The following KNG1 variants were observed in gnomAD, a reference collection of about 807,000 sequenced individuals.
The protein encoded by KNG1 is kininogen-1.
In KNG1, 23 loss-of-function variants were observed where a neutral mutation model predicts 47.8. The ratio of observed to expected loss-of-function variants is 0.48; its 90% CI spans 0.35 to 0.68. KNG1 has a LOEUF of 0.68. KNG1 is among the 30% of genes least tolerant of loss of function. The pLI, the probability that KNG1 is intolerant of heterozygous loss-of-function variation, is 0.01. For synonymous variants in KNG1, 277 were observed against 277.0 expected (o/e 1.00, Z 0.00); for missense variants, 762 against 790.2 (o/e 0.96, Z 0.43).
intron 3 of KNG1, among the ~76,000 whole-genome samples, chr3:186,724,537 C>A (rs1720295124): frequency 6.6e-6 from 1 of 152,070 alleles, no homozygotes; most frequent in Non-Finnish European, 1.5e-5. Flanking sequence ...TATCTGTTGG[C>A]CATTTGTATG....
At chr3:186,717,935 C>T in intron 1 of KNG1, 198 bp downstream of exon 1, 1 of 516,116 alleles carries the variant, frequency 1.9e-6, no homozygotes, top group Admixed American at 2.7e-5. Context: ...ACCCACCACC[C>T]ACCACCACCC....
Position 186,722,520 on chromosome 3 carries a change from A to G in KNG1, c.390A>G (p.Pro130=). The G allele has an allele frequency of 6.2e-7, 1 of 1,611,606 alleles. No homozygotes were observed. The highest frequency in any genetic ancestry group is 8.5e-7 in the Non-Finnish European group (1 of 1,178,070). Residue 130 remains proline (P), a splice_region_variant and synonymous_variant, in exon 3 of 10, where the codon CCA becomes CCG. Coordinates refer to ENST00000644859, the MANE Select transcript of KNG1 (RefSeq NM_001102416.3). Reference sequence around the variant, plus strand: ...CTACCCAGACCTGCCAGATTACTCCAGGTGGCTGGTTTATCCTCTGGCACT... The same window carrying G: ...CTACCCAGACCTGCCAGATTACTCCGGGTGGCTGGTTTATCCTCTGGCACT... ...SVATQTCQIT[P]AEGPVVTAQY...
chr3:186,722,226 C>T, intron 2 of KNG1: 1 of 556,728 alleles, frequency 1.8e-6, no homozygotes, highest in Non-Finnish European at 3.2e-6. Context: ...CACTGTCTTT[C>T]CTCCAGCATC....
chr3:186,743,736 G>A lies in KNG1; in HGVS notation c.*1405G>A, dbSNP rs1720872890. On this transcript the variant is annotated 3_prime_UTR_variant, in exon 10 of 10. Transcript: ENST00000644859. ...CTAAGGTCCTGCGAGTACAAGGGTC[G>A]ACCCCCAAAGGCAGGGGCAGAGCCA... is the stretch of plus-strand genomic sequence containing the variant. 1.5e-5 allele frequency: 24 copies of A among 1,614,062 alleles called. No individual in the cohort carries two copies. Among genetic ancestry groups the A allele is most frequent in the Non-Finnish European group, 1.9e-5 (22 of 1,179,956 alleles).
intron 1 of KNG1, 48 bp downstream of exon 1, chr3:186,717,785 C>A: frequency 7.3e-7 from 1 of 1,378,796 alleles, no homozygotes; most frequent in Non-Finnish European, 1.0e-6. Flanking sequence ...TTTGTACTAT[C>A]ACTAGGAGTC....
chr3:186,723,732 G>A (rs1720270690), intron 3 of KNG1, among the ~76,000 whole-genome samples: 1 of 151,072 alleles, frequency 6.6e-6, no homozygotes, highest in African/African-American at 2.4e-5. Flanking sequence ...TAGGCTCACT[G>A]CAACCTCCCG....
chr3:186,741,217 C>T (rs941165092), intron 9 of KNG1, among the ~76,000 whole-genome samples: 2 of 152,148 alleles, frequency 1.3e-5, no homozygotes, highest in Non-Finnish European at 2.9e-5. Flanking sequence ...TGGTCTCAAA[C>T]TCCTGACCTC....
At chr3:186,724,608 T>C (rs1414914500) in intron 3 of KNG1, among the ~76,000 whole-genome samples, 1 of 152,172 alleles carries the variant, frequency 6.6e-6, no homozygotes, top group African/African-American at 2.4e-5. Context: ...ATTACTTGGT[T>C]TTTTTATTGG....
chr3:186,724,280 G>A (rs1005123856), intron 3 of KNG1, among the ~76,000 whole-genome samples: 8 of 152,190 alleles, frequency 5.3e-5, no homozygotes, highest in African/African-American at 1.4e-4. Context: ...GCTCTGTGGT[G>A]AAGAAGTCCA....
chr3:186,725,050 G>T (rs759734487), intron 3 of KNG1, 38 bp from the exon 4 acceptor site: 1 of 1,610,516 alleles, frequency 6.2e-7, no homozygotes, highest in Admixed American at 1.7e-5. Flanking sequence ...TGCTGATTGC[G>T]ATCATTAATG....
At chr3:186,741,241 G>A (rs142599822) in intron 9 of KNG1, among the ~76,000 whole-genome samples, 139 of 152,182 alleles carry the variant, frequency 9.1e-4, no homozygotes, top group African/African-American at 3.3e-3. Context: ...TGATCTGCTC[G>A]CCTTGGTCTC....
intron 5 of KNG1, among the ~76,000 whole-genome samples, chr3:186,729,883 G>A (rs1720466656): frequency 6.6e-6 from 1 of 152,092 alleles, no homozygotes; most frequent in South Asian, 2.1e-4. Context: ...TGTTGGTCAG[G>A]CTGGTCTCGA....
intron 5 of KNG1, among the ~76,000 whole-genome samples, chr3:186,729,798 G>A (rs1360825631): frequency 1.3e-5 from 2 of 151,858 alleles, no homozygotes; most frequent in Non-Finnish European, 2.9e-5. Context: ...TCAGCTTCCC[G>A]AGTAGCTGGG....
chr3:186,743,775 A>G lies in KNG1; in HGVS notation c.*1444A>G, dbSNP rs1195198235. 8 of 1,613,804 alleles carry G rather than the reference A, an allele frequency of 5.0e-6. No homozygotes were observed. The South Asian group carries it at 8.8e-5, about 18-fold the overall frequency. On this transcript the variant is annotated 3_prime_UTR_variant, in exon 10 of 10. Coordinates refer to ENST00000644859, the MANE Select transcript of KNG1 (RefSeq NM_001102416.3). ...GGGGCAGAGCCAGCATCTGAGAGGG[A>G]GGTCTCTTGACCAATGGGCAGAATC... is the stretch of plus-strand genomic sequence containing the variant.
chr3:186,718,074 C>A, intron 1 of KNG1: 2 of 281,566 alleles, frequency 7.1e-6, no homozygotes, highest in South Asian at 2.4e-5. Flanking sequence ...CACCCACCAC[C>A]CACCACCACC....
rs200563319 is a variant in KNG1, at chr3:186,720,231, A to G, written c.306+16A>G. The G allele has an allele frequency of 3.8e-4, 584 of 1,534,524 alleles. No individual in the cohort carries two copies. Among genetic ancestry groups the G allele is most frequent in the Middle Eastern group, 8.5e-4 (5 of 5,896 alleles). On this transcript the variant is annotated intron_variant, in intron 2 of 9. Transcript: ENST00000644859. Reference sequence around the variant, plus strand: ...TGCAAAAGCAGTAAGTGTATTGGCCATTCTTGGGCCTTCTGTTTTCTCCGT... The same window carrying G: ...TGCAAAAGCAGTAAGTGTATTGGCCGTTCTTGGGCCTTCTGTTTTCTCCGT...
intron 9 of KNG1, among the ~76,000 whole-genome samples, chr3:186,740,169 T>C (rs559393117): frequency 6.6e-5 from 10 of 152,298 alleles, no homozygotes; most frequent in African/African-American, 2.2e-4. Flanking sequence ...CATTCGTTGA[T>C]GTCATCTTTC....
chr3:186,717,887 ACCACCACCAC>A (rs1720039885), intron 1 of KNG1, 150 bp downstream of exon 1: 1 of 206,732 alleles, frequency 4.8e-6, no homozygotes, highest in East Asian at 7.9e-5. Flanking sequence ...CACCACAACC[ACCACCACCAC>A]CCACCACCAC....
intron 5 of KNG1, chr3:186,729,152 C>T (rs998115392): frequency 2.6e-5 from 4 of 152,068 alleles, no homozygotes. Context: ...ATATAAAGAA[C>T]CTCTTTTTGT....
Sources: allele counts gnomAD v4.1 joint callset (sites outside exome capture counted in the v4.1 genomes callset), GRCh38; gene constraint gnomAD v4.1.1; transcripts MANE v1.5; gene names NCBI Gene and HGNC (gene_info 2026-07-23, HGNC 2026-07-21).